Variants in RABEP2 observed in about 807,000 individuals in gnomAD.
The protein encoded by RABEP2 is rab GTPase-binding effector protein 2.
In RABEP2, 57 loss-of-function variants were observed where a neutral mutation model predicts 74.1. The ratio of observed to expected loss-of-function variants is 0.77; its 90% CI spans 0.62 to 0.96. The LOEUF (loss-of-function observed/expected upper bound fraction) is 0.96, where lower values mean the gene tolerates loss of function less well. Among genes scored for constraint, RABEP2 ranks in the 40% least tolerant of loss-of-function variants. The probability of loss-of-function intolerance (pLI) is 0.00; values close to 1 mark genes in which losing one functional copy is unlikely to be tolerated. For missense variants in RABEP2, 692 were observed against 756.3 expected, an observed-to-expected ratio of 0.91 and a Z score of 1.00; for synonymous variants, 351 against 344.0, an observed-to-expected ratio of 1.02 and a Z score of -0.23.
In RABEP2 at chr16:28,924,485, G is replaced by A. The variant is rs1964507812; in HGVS notation, c.192C>T (p.Ser64=). The part of the protein sequence containing the change: ...METMKAVAEV[S]ESTKAEAVAA... ...CCACAGCCTCGGCCTTCGTGCTCTC[G>A]CTCACCTCTGCCACAGCCTTCATGG... The change falls in exon 2 of 13, where the codon AGC becomes AGT. Residue 64 remains serine, a synonymous_variant. Transcript: ENST00000358201. The A allele has an allele frequency of 1.9e-6, 3 of 1,613,962 alleles. No individual in the cohort carries two copies. Among genetic ancestry groups the A allele is most frequent in the African/African-American group, 1.3e-5 (1 of 75,022 alleles).
At chr16:28,917,114 C>T (rs1166731932) in intron 3 of RABEP2, among the ~76,000 whole-genome samples, 1 of 152,094 alleles carries the variant, frequency 6.6e-6, no homozygotes, top group African/African-American at 2.4e-5. Context: ...TAGAGCTGAC[C>T]ATATTTTCCC....
chr16:28,921,053 G>A (rs557019576), intron 2 of RABEP2: 10 of 397,920 alleles, frequency 2.5e-5, no homozygotes, highest in East Asian at 7.5e-5. Context: ...TTGTAGAGAC[G>A]GGGTCTCACC....
Position 28,904,810 on chromosome 16 carries a change from G to A in RABEP2, c.*133C>T. 1.4e-6 allele frequency: 1 copy of A among 727,786 alleles called. No individual in the cohort carries two copies. Among genetic ancestry groups the A allele is most frequent in the East Asian group, 2.7e-5 (1 of 36,440 alleles). 45.1% of individuals were successfully genotyped at this position (727,786 alleles called of 1,614,324 possible). On this transcript the variant is annotated 3_prime_UTR_variant, in exon 13 of 13. Coordinates refer to ENST00000358201, the MANE Select transcript of RABEP2 (RefSeq NM_024816.3). ...GGCGCTGGAGGGCGGGGCGGTGGTGGCCCCCGTCAGTCCCCTCAACCCCAG... is the reference window on the plus strand; with the variant it reads ...GGCGCTGGAGGGCGGGGCGGTGGTGACCCCCGTCAGTCCCCTCAACCCCAG...
In RABEP2 at chr16:28,914,371, G is replaced by T. The variant is rs1388282916; in HGVS notation, c.759C>A (p.Arg253=). ...VGSSSSLPQS[R]QGLSPEQEET... is the part of the protein sequence containing the mutation. ...CTTCCTGTTCAGGGCTCAGGCCCTG[G>T]CGGCTTTGGGGCAGGGAGGAGCTGC... Residue 253 remains arginine (R), a synonymous_variant, in exon 5 of 13, where the codon CGC becomes CGA. Transcript: ENST00000358201. 2.1e-5 allele frequency: 34 copies of T among 1,613,348 alleles called. No individual in the cohort carries two copies. The Admixed American group carries it at 5.7e-4, about 27-fold the overall frequency.
chr16:28,910,968 G>A lies in RABEP2; in HGVS notation c.1009C>T (p.Gln337Ter). ...AGCAGCTGCTCTGAGTTCTGGACCT[G>A]GGCCAGGAGCACCTGCATCTGGGTT... ...CAKQMQVLLA[Q>*]VQNSEQLLRT... The change falls in exon 7 of 13, where the codon CAG becomes TAG. Residue 337 changes from glutamine (Q) to a stop codon, truncating the protein, a stop_gained. Transcript: ENST00000358201. LOFTEE classifies it high-confidence loss of function. 1 of 1,611,618 alleles carries A rather than the reference G, an allele frequency of 6.2e-7. No homozygotes were observed. The highest frequency in any genetic ancestry group is 8.5e-7 in the Non-Finnish European group (1 of 1,178,416).
At chr16:28,916,673 CAAAAAAA>C (rs74392921) in intron 3 of RABEP2, among the ~76,000 whole-genome samples, 11 of 48,694 alleles carry the variant, frequency 2.3e-4, no homozygotes, top group South Asian at 8.1e-4. Flanking sequence ...CTCTTGTCTC[CAAAAAAA>C]AAAAAAAAAA....
intron 3 of RABEP2, among the ~76,000 whole-genome samples, chr16:28,915,940 A>G (rs1454590878): frequency 2.6e-5 from 4 of 151,518 alleles, no homozygotes; most frequent in African/African-American, 4.9e-5. Context: ...CCTAGGTTCA[A>G]GCGATTCTCC....
At chr16:28,909,286 A>G (rs1596695978) in intron 7 of RABEP2, among the ~76,000 whole-genome samples, 1 of 152,224 alleles carries the variant, frequency 6.6e-6, no homozygotes, top group East Asian at 1.9e-4. Flanking sequence ...CATGTTGGTC[A>G]GGTTGGTCTC....
At chr16:28,917,510 C>T (rs917020197) in intron 3 of RABEP2, among the ~76,000 whole-genome samples, 1 of 152,188 alleles carries the variant, frequency 6.6e-6, no homozygotes, top group African/African-American at 2.4e-5. Context: ...ACCTCCGTCT[C>T]CTGGGTTCAA....
chr16:28,922,893 GA>G lies in RABEP2; in HGVS notation c.274+1509del, dbSNP rs200265811. Among the ~76,000 whole-genome samples, 122 of 142,028 alleles carry G rather than the reference GA, an allele frequency of 8.6e-4. 1 individual carries two copies. Among genetic ancestry groups the G allele is most frequent in the Admixed American group, 2.6e-3 (36 of 14,080 alleles). 93.2% of individuals were successfully genotyped at this position (142,028 alleles called of 152,430 possible). A position where few individuals can be genotyped will look rare whatever the true frequency, so the allele number is the denominator to read the frequency against. On this transcript the variant is annotated intron_variant, in intron 2 of 12. Transcript: ENST00000358201. ...TGGGTAACAGTGAGACACTGTCTCA[GA>G]AAAAAAAAAAAATAGGTTCAGCTGT... is the stretch of plus-strand genomic sequence containing the variant.
At position 28,919,921 on chromosome 16, in the gene RABEP2, G is replaced by A. The variant is rs780165266; in HGVS notation, c.297C>T (p.Ala99=). The change falls in exon 3 of 13, where the codon GCC becomes GCT. Residue 99 remains alanine, a synonymous_variant. Coordinates refer to ENST00000358201, the MANE Select transcript of RABEP2 (RefSeq NM_024816.3). The stretch of plus-strand genomic sequence containing the variant: ...GCTCCTGCTTCAGGGCGGTGATCTG[G>A]GCTTCATAGCTGCTGATGGAGTCTG... ...ILKDSISSYE[A]QITALKQERQ... 6.2e-7 allele frequency: 1 copy of A among 1,602,262 alleles called. No homozygotes were observed. Among genetic ancestry groups the A allele is most frequent in the South Asian group, 1.1e-5 (1 of 90,056 alleles).
In RABEP2 at chr16:28,904,924, G is replaced by GTGGGGA; in HGVS notation, c.*13_*18dup. 1 of 1,575,112 alleles carries GTGGGGA rather than the reference G, an allele frequency of 6.3e-7. No individual in the cohort carries two copies. Among genetic ancestry groups the GTGGGGA allele is most frequent in the Non-Finnish European group, 8.7e-7 (1 of 1,146,940 alleles). On this transcript the variant is annotated 3_prime_UTR_variant, in exon 13 of 13. Coordinates refer to ENST00000358201, the MANE Select transcript of RABEP2 (RefSeq NM_024816.3). ...GAAAGGCGTCTTTCCCAGGGTGGGG[G>GTGGGGA]TGGGGATATCCTGACCCCTCAGGTG...
At chr16:28,921,509 G>C (rs1393931115) in intron 2 of RABEP2, among the ~76,000 whole-genome samples, 1 of 152,014 alleles carries the variant, frequency 6.6e-6, no homozygotes, top group Non-Finnish European at 1.5e-5. Context: ...GGAGGGACTG[G>C]AACAGTGAAG....
chr16:28,911,097 T>C lies in RABEP2; in HGVS notation c.977A>G (p.Asp326Gly). The C allele has an allele frequency of 1.2e-6, 2 of 1,613,134 alleles. No homozygotes were observed. The highest frequency in any genetic ancestry group is 1.7e-6 in the Non-Finnish European group (2 of 1,179,958). The change falls in exon 6 of 13, where the codon GAC (aspartate) becomes GGC (glycine). Residue 326 changes from aspartate to glycine, a missense_variant. Transcript: ENST00000358201. ...GCAGGGACCCACCTGCTTGGCACAG[T>C]CCTCATTGCTCCGTCTCAGGCCCTC... Reference protein sequence around the residue: ...LQEGLRRSNEDCAKQMQVLLA... With the variant: ...LQEGLRRSNEGCAKQMQVLLA...
intron 3 of RABEP2, among the ~76,000 whole-genome samples, chr16:28,917,660 G>C (rs187987402): frequency 6.6e-6 from 1 of 152,334 alleles, no homozygotes; most frequent in Non-Finnish European, 1.5e-5. Flanking sequence ...GACCTCAAGT[G>C]ATCTGCCCAC....
rs771770304 is a variant in RABEP2 at position 28,905,020 on chromosome 16, C to T, written c.1633G>A (p.Ala545Thr). Reference protein sequence around the residue: ...LQVRLERIRQAETLEQVRSIM... With the variant: ...LQVRLERIRQTETLEQVRSIM... ...CTGCGCACTTGCTCCAGGGTCTCAG[C>T]CTGGCGGATCCGCTCTAGGCGCACC... The change falls in exon 13 of 13, where the codon GCT becomes ACT. Residue 545 changes from alanine (A) to threonine (T), a missense_variant. By Grantham distance (58) the Ala-to-Thr change is moderately conservative. Coordinates refer to ENST00000358201, the MANE Select transcript of RABEP2 (RefSeq NM_024816.3). 4.3e-6 allele frequency: 7 copies of T among 1,609,370 alleles called. No homozygotes were observed. The Admixed American group carries it at 1.2e-4, about 27-fold the overall frequency.
chr16:28,905,832 G>C (rs753684120), intron 10 of RABEP2, 35 bp downstream of exon 10: 1 of 1,613,850 alleles, frequency 6.2e-7, no homozygotes. Flanking sequence ...AGCCAGGGTG[G>C]GCGATCCCCA....
chr16:28,904,908 CT>C lies in RABEP2; in HGVS notation c.*34del. On this transcript the variant is annotated 3_prime_UTR_variant, in exon 13 of 13. Transcript: ENST00000358201. ...ATGGTTCAGGAGTGGGGAAAGGCGT[CT>C]TTCCCAGGGTGGGGGTGGGGATATC... is the stretch of plus-strand genomic sequence containing the variant. 2 of 1,528,650 alleles carry C rather than the reference CT, an allele frequency of 1.3e-6. No homozygotes were observed. Among genetic ancestry groups the C allele is most frequent in the Non-Finnish European group, 9.0e-7 (1 of 1,108,276 alleles). The allele number at this position is 1,528,650 out of a possible 1,614,324, so 94.7% of individuals were successfully genotyped here.
intron 7 of RABEP2, among the ~76,000 whole-genome samples, chr16:28,909,528 C>T (rs1192531267): frequency 6.6e-6 from 1 of 151,952 alleles, no homozygotes; most frequent in African/African-American, 2.4e-5. Context: ...GCCTGGGCAA[C>T]ATAGTGAGAC....
Sources: gnomAD v4.1 joint callset for allele counts (sites outside exome capture counted in the v4.1 genomes callset) on GRCh38, gnomAD v4.1.1 for gene constraint, MANE v1.5 for transcripts, NCBI Gene and HGNC (gene_info 2026-07-23, HGNC 2026-07-21) for gene names.